The following PDGFC variants were observed in gnomAD, a reference collection of about 807,000 sequenced individuals.
PDGFC encodes the protein platelet-derived growth factor C.
In PDGFC, 12 loss-of-function variants were observed where a neutral mutation model predicts 35.5. The observed-to-expected ratio is 0.34, with a 90% CI of 0.22 to 0.55. The LOEUF (loss-of-function observed/expected upper bound fraction) is 0.55, where lower values mean the gene tolerates loss of function less well. Among genes scored for constraint, PDGFC ranks in the 20% least tolerant of loss-of-function variants. The probability of loss-of-function intolerance (pLI) is 0.91; values close to 1 mark genes in which losing one functional copy is unlikely to be tolerated. For missense variants in PDGFC, 322 were observed against 412.4 expected, an observed-to-expected ratio of 0.78 and a Z score of 1.90; for synonymous variants, 159 against 148.8, an observed-to-expected ratio of 1.07 and a Z score of -0.50.
intron 4 of PDGFC, among the ~76,000 whole-genome samples, chr4:156,769,119 A>C (rs948641504): frequency 6.6e-6 from 1 of 151,870 alleles, no homozygotes; most frequent in Non-Finnish European, 1.5e-5. Flanking sequence ...GTTTTTTAAA[A>C]ATTTAGAAAT....
At chr4:156,918,523 G>A (rs987621082) in intron 1 of PDGFC, among the ~76,000 whole-genome samples, 2 of 152,204 alleles carry the variant, frequency 1.3e-5, no homozygotes, top group Admixed American at 6.5e-5. Context: ...AGCAGGAGGT[G>A]AGCAGCAGGC....
At chr4:156,923,407 G>T (rs572731613) in intron 1 of PDGFC, among the ~76,000 whole-genome samples, 1 of 152,274 alleles carries the variant, frequency 6.6e-6, no homozygotes, top group Admixed American at 6.5e-5. Context: ...AGAGAAAATA[G>T]CCCCACTATT....
intron 3 of PDGFC, among the ~76,000 whole-genome samples, chr4:156,785,736 C>T (rs1394803163): frequency 7.2e-5 from 11 of 152,110 alleles, no homozygotes; most frequent in Admixed American, 7.2e-4. Context: ...ACTTACGGGA[C>T]TATTAAAATA....
At position 156,907,751 on chromosome 4, in the gene PDGFC, G is replaced by A. The variant is rs573541916; in HGVS notation, c.119-57335C>T. 3.9e-5 allele frequency among the ~76,000 whole-genome samples: 6 copies of A among 152,260 alleles called. No individual in the cohort carries two copies. The South Asian group carries it at 1.2e-3, about 32-fold the overall frequency. The stretch of plus-strand genomic sequence containing the variant: ...GGGGGTCCTTCACCTGGGATGAAGT[G>A]GCCCTAACCTCTTGGATTGAGCCTC... On this transcript the variant is annotated intron_variant, in intron 1 of 5. Transcript: ENST00000502773.
At chr4:156,947,742 C>A (rs1311518166) in intron 1 of PDGFC, among the ~76,000 whole-genome samples, 1 of 151,956 alleles carries the variant, frequency 6.6e-6, no homozygotes, top group Non-Finnish European at 1.5e-5. Context: ...GCACAATCTG[C>A]AGTGTTTCTT....
At chr4:156,811,400 T>C (rs1731928781) in intron 2 of PDGFC, among the ~76,000 whole-genome samples, 1 of 152,078 alleles carries the variant, frequency 6.6e-6, no homozygotes. Context: ...CCCTTTATTT[T>C]CTGAGAGTAA....
intron 2 of PDGFC, among the ~76,000 whole-genome samples, chr4:156,838,551 C>G (rs938489261): frequency 6.6e-6 from 1 of 152,134 alleles, no homozygotes; most frequent in Non-Finnish European, 1.5e-5. Context: ...ATGAAGTCAA[C>G]TAGTAGAATG....
chr4:156,824,329 C>CACATATACACAT (rs1276349226), intron 2 of PDGFC, among the ~76,000 whole-genome samples: 135 of 79,154 alleles, frequency 1.7e-3, no homozygotes, highest in African/African-American at 8.1e-3. Context: ...TATATATATA[C>CACATATACACAT]ACACACACAC....
intron 2 of PDGFC, among the ~76,000 whole-genome samples, chr4:156,830,561 C>G (rs1033814673): frequency 1.7e-4 from 26 of 152,274 alleles, no homozygotes; most frequent in African/African-American, 6.3e-4. Context: ...CAGTATATTT[C>G]ACCAGATGGC....
At chr4:156,778,103 CAAAAAAT>C in intron 3 of PDGFC, 2 of 227,638 alleles carry the variant, frequency 8.8e-6, no homozygotes, top group Non-Finnish European at 1.9e-5. Context: ...GACTCTGCCT[CAAAAAAT>C]AAAAAATAAA....
intron 2 of PDGFC, among the ~76,000 whole-genome samples, chr4:156,814,882 T>C (rs867225147): frequency 9.9e-5 from 15 of 152,112 alleles, no homozygotes; most frequent in African/African-American, 3.6e-4. Context: ...GTCCTGTAAA[T>C]AGGAGAAGGG....
intron 2 of PDGFC, among the ~76,000 whole-genome samples, chr4:156,829,651 G>A (rs1038133497): frequency 6.6e-6 from 1 of 152,008 alleles, no homozygotes; most frequent in Non-Finnish European, 1.5e-5. Flanking sequence ...AAATTTGGCA[G>A]TTTTTGACAG....
chr4:156,780,699 T>C (rs72974658), intron 3 of PDGFC, among the ~76,000 whole-genome samples: 1,640 of 152,236 alleles, frequency 0.011, 20 homozygotes, highest in African/African-American at 0.036. Flanking sequence ...AAAAAGAGTG[T>C]TAAGTAGCTG....
chr4:156,857,888 G>T (rs964468044), intron 1 of PDGFC, among the ~76,000 whole-genome samples: 2 of 152,056 alleles, frequency 1.3e-5, no homozygotes, highest in African/African-American at 4.8e-5. Context: ...AAAGTGGGCA[G>T]ATGTACGGTA....
At chr4:156,906,758 T>C (rs927422016) in intron 1 of PDGFC, among the ~76,000 whole-genome samples, 1 of 152,198 alleles carries the variant, frequency 6.6e-6, no homozygotes, top group Non-Finnish European at 1.5e-5. Context: ...ACTCTAGTCA[T>C]TGTTCTGAGG....
At chr4:156,919,198 C>A (rs1731217803) in intron 1 of PDGFC, among the ~76,000 whole-genome samples, 1 of 152,078 alleles carries the variant, frequency 6.6e-6, no homozygotes, top group Non-Finnish European at 1.5e-5. Context: ...AGTAGGCTGG[C>A]CTTAAAAATC....
intron 1 of PDGFC, among the ~76,000 whole-genome samples, chr4:156,927,246 G>A (rs2110863416): frequency 6.6e-6 from 1 of 152,246 alleles, no homozygotes; most frequent in South Asian, 2.1e-4. Flanking sequence ...CCAGGTCTGT[G>A]ATGGGAGGGG....
intron 1 of PDGFC, among the ~76,000 whole-genome samples, chr4:156,965,971 T>C (rs1052652409): frequency 1.3e-5 from 2 of 152,062 alleles, no homozygotes; most frequent in South Asian, 2.1e-4. Context: ...GTACCAGGCA[T>C]TGGAATTTCT....
chr4:156,916,028 T>A (rs1342797704), intron 1 of PDGFC, among the ~76,000 whole-genome samples: 5 of 152,062 alleles, frequency 3.3e-5, no homozygotes, highest in Non-Finnish European at 7.4e-5. Context: ...CCCAAACTTC[T>A]ACAATGGCCA....
Sources: gnomAD v4.1 joint callset for allele counts (sites outside exome capture counted in the v4.1 genomes callset) on GRCh38, gnomAD v4.1.1 for gene constraint, MANE v1.5 for transcripts, NCBI Gene and HGNC (gene_info 2026-07-23, HGNC 2026-07-21) for gene names.